Variants in TACR1 observed in about 807,000 individuals in gnomAD.
TACR1 encodes tachykinin receptor 1.
A neutral mutation model predicts 35.8 loss-of-function variants in TACR1; 25 were observed. The ratio of observed to expected loss-of-function variants is 0.70; its 90% confidence interval spans 0.51 to 0.98. The LOEUF is 0.98. TACR1 is among the 50% of genes least tolerant of loss of function. The probability of loss-of-function intolerance (pLI) is 0.00; values close to 1 mark genes in which losing one functional copy is unlikely to be tolerated. For synonymous variants in TACR1, 195 were observed against 206.7 expected (o/e 0.94, Z 0.48); for missense variants, 478 against 522.9 (o/e 0.91, Z 0.84).
chr2:75,049,600 G>T lies in TACR1; in HGVS notation c.1056C>A (p.Ser352Arg), dbSNP rs904268415. 5 of 1,614,024 alleles carry T rather than the reference G, an allele frequency of 3.1e-6. No homozygotes were observed. The highest frequency in any genetic ancestry group is 2.2e-5 in the East Asian group (1 of 44,874). ...CTGTGGAGATGGTGGTCTCCAGGCG[G>T]CTGACTTTGTACACACTGCCCTGGG... ...LQTQGSVYKV[S>R]RLETTISTVV... is the part of the protein sequence containing the mutation. Residue 352 changes from serine (S) to arginine (R), a missense_variant, in exon 5 of 5, where the codon AGC (serine) becomes AGA (arginine). Ser to Arg is a moderately radical substitution (Grantham distance 110). Transcript: ENST00000305249.
intron 2 of TACR1, among the ~76,000 whole-genome samples, chr2:75,071,720 A>G (rs1344729847): frequency 1.3e-5 from 2 of 152,226 alleles, no homozygotes; most frequent in Non-Finnish European, 2.9e-5. Flanking sequence ...TTAGCACGAC[A>G]GTTAAAACTC....
At chr2:75,093,504 G>C (rs1243887926) in intron 2 of TACR1, among the ~76,000 whole-genome samples, 1 of 152,160 alleles carries the variant, frequency 6.6e-6, no homozygotes, top group Admixed American at 6.5e-5. Context: ...AGACACTAAT[G>C]AAACGTTATG....
intron 2 of TACR1, among the ~76,000 whole-genome samples, chr2:75,107,409 G>T (rs776318308): frequency 6.6e-6 from 1 of 151,702 alleles, no homozygotes; most frequent in Non-Finnish European, 1.5e-5. Context: ...CCATATTTCA[G>T]GCCAAAAAGA....
intron 1 of TACR1, among the ~76,000 whole-genome samples, chr2:75,162,900 T>C (rs1333342880): frequency 6.6e-6 from 1 of 152,222 alleles, no homozygotes; most frequent in Non-Finnish European, 1.5e-5. Context: ...GCATTTATCA[T>C]GCGTGGAAGA....
intron 2 of TACR1, among the ~76,000 whole-genome samples, chr2:75,115,148 T>C (rs1044419638): frequency 5.9e-5 from 9 of 151,762 alleles, no homozygotes; most frequent in African/African-American, 2.2e-4. Context: ...GAAACAATTT[T>C]AATAACATAG....
chr2:75,055,483 C>G (rs1329147041), intron 2 of TACR1, among the ~76,000 whole-genome samples: 1 of 152,146 alleles, frequency 6.6e-6, no homozygotes, highest in Non-Finnish European at 1.5e-5. Context: ...GATCTCAGTC[C>G]CTCCTGGTTG....
intron 2 of TACR1, among the ~76,000 whole-genome samples, chr2:75,083,739 G>A (rs1479787739): frequency 6.6e-6 from 1 of 152,112 alleles, no homozygotes; most frequent in African/African-American, 2.4e-5. Flanking sequence ...TCTGTTATTG[G>A]TGTATAAGAA....
intron 2 of TACR1, among the ~76,000 whole-genome samples, chr2:75,108,357 A>T (rs748190741): frequency 9.2e-5 from 14 of 152,186 alleles, no homozygotes; most frequent in Non-Finnish European, 1.8e-4. Flanking sequence ...AATTAAAATG[A>T]TTTGCATACA....
At position 75,049,253 on chromosome 2, in the gene TACR1, T is replaced by G; in HGVS notation, c.*179A>C. On this transcript the variant is annotated 3_prime_UTR_variant, in exon 5 of 5. Coordinates refer to ENST00000305249, the MANE Select transcript of TACR1 (RefSeq NM_001058.4). The stretch of plus-strand genomic sequence containing the variant: ...TCACACAGCATGAGGGTGGCAAAGA[T>G]AGGGAAGAATTGAGATTTTTTGACT... 1.5e-6 allele frequency: 1 copy of G among 670,282 alleles called. No homozygotes were observed. Among genetic ancestry groups the G allele is most frequent in the Non-Finnish European group, 2.5e-6 (1 of 404,852 alleles). 41.5% of individuals were successfully genotyped at this position (670,282 alleles called of 1,614,324 possible). A position where few individuals can be genotyped will look rare whatever the true frequency, so the allele number is the denominator to read the frequency against.
intron 2 of TACR1, 59 bp downstream of exon 2, chr2:75,120,515 G>A: frequency 1.4e-6 from 2 of 1,448,598 alleles, no homozygotes; most frequent in South Asian, 1.4e-5. Context: ...GAGCAAGAAG[G>A]GGCCAGGAAG....
intron 1 of TACR1, among the ~76,000 whole-genome samples, chr2:75,185,556 TATTA>T (rs1312569414): frequency 2.6e-5 from 4 of 152,176 alleles, no homozygotes; most frequent in South Asian, 2.1e-4. Flanking sequence ...TTTAAAGCTC[TATTA>T]ATTCACAAAT....
chr2:75,178,975 T>C (rs993886502), intron 1 of TACR1, among the ~76,000 whole-genome samples: 1 of 152,204 alleles, frequency 6.6e-6, no homozygotes, highest in Non-Finnish European at 1.5e-5. Flanking sequence ...GTTTTAGTTA[T>C]ATGTCAATAA....
intron 1 of TACR1, among the ~76,000 whole-genome samples, chr2:75,182,314 G>T (rs572791565): frequency 2.9e-4 from 44 of 152,336 alleles, no homozygotes; most frequent in African/African-American, 1.0e-3. Flanking sequence ...AGGCTGGGAT[G>T]TGGACAGCAT....
intron 2 of TACR1, among the ~76,000 whole-genome samples, chr2:75,082,413 G>A (rs986170007): frequency 2.6e-5 from 4 of 152,304 alleles, no homozygotes; most frequent in Non-Finnish European, 4.4e-5. Context: ...ATAGCAGCAT[G>A]ATTTATATTC....
At chr2:75,194,290 TG>T (rs1044503911) in intron 1 of TACR1, among the ~76,000 whole-genome samples, 1 of 152,168 alleles carries the variant, frequency 6.6e-6, no homozygotes, top group Non-Finnish European at 1.5e-5. Flanking sequence ...TCCACATCAA[TG>T]CTGACATTGG....
chr2:75,129,909 C>G (rs1674145611), intron 1 of TACR1, among the ~76,000 whole-genome samples: 1 of 152,152 alleles, frequency 6.6e-6, no homozygotes, highest in African/African-American at 2.4e-5. Flanking sequence ...AATGATATTT[C>G]CCTGCCTCCT....
intron 2 of TACR1, among the ~76,000 whole-genome samples, chr2:75,088,290 G>A (rs1673228103): frequency 6.6e-6 from 1 of 152,002 alleles, no homozygotes; most frequent in African/African-American, 2.4e-5. Context: ...GCCCTGCAGT[G>A]CTCTTTGCCT....
At chr2:75,137,133 G>T (rs143757550) in intron 1 of TACR1, among the ~76,000 whole-genome samples, 2,187 of 152,256 alleles carry the variant, frequency 0.014, 18 homozygotes, top group Middle Eastern at 0.031. Flanking sequence ...ACCTCAGTGA[G>T]TATGTAGGCT....
chr2:75,152,402 C>A (rs1359532010), intron 1 of TACR1, among the ~76,000 whole-genome samples: 1 of 152,148 alleles, frequency 6.6e-6, no homozygotes, highest in Non-Finnish European at 1.5e-5. Context: ...CTCATGAGAT[C>A]TGATGGTTTT....
Sources: allele counts gnomAD v4.1 joint callset (sites outside exome capture counted in the v4.1 genomes callset), GRCh38; gene constraint gnomAD v4.1.1; transcripts MANE v1.5; gene names NCBI Gene and HGNC (gene_info 2026-07-23, HGNC 2026-07-21).